The following EXOC4 variants were observed in gnomAD, a reference collection of about 807,000 sequenced individuals.
The protein encoded by EXOC4 is SEC8-like 1.
A neutral mutation model predicts 107.2 loss-of-function variants in EXOC4; 71 were observed. That is an observed-to-expected ratio of 0.66 (90% CI 0.55 to 0.81). The LOEUF is 0.81. EXOC4 is among the 30% of genes least tolerant of loss of function. The pLI, the probability that EXOC4 is intolerant of heterozygous loss-of-function variation, is 0.00. For synonymous variants in EXOC4, 456 were observed against 441.2 expected (o/e 1.03, Z -0.42); for missense variants, 1,108 against 1,189.6 (o/e 0.93, Z 1.01).
At chr7:133,944,870 G>A (rs1800512810) in intron 14 of EXOC4, among the ~76,000 whole-genome samples, 4 of 152,062 alleles carry the variant, frequency 2.6e-5, no homozygotes, top group Admixed American at 2.6e-4. Flanking sequence ...CTTAATAAAT[G>A]TATACAACCA....
At chr7:133,385,109 A>G (rs1369682892) in intron 7 of EXOC4, among the ~76,000 whole-genome samples, 2 of 152,192 alleles carry the variant, frequency 1.3e-5, no homozygotes, top group Non-Finnish European at 2.9e-5. Context: ...GACTTCATAC[A>G]TGATTGCTAG....
chr7:133,426,953 A>C (rs766232150), intron 7 of EXOC4, among the ~76,000 whole-genome samples: 1 of 152,168 alleles, frequency 6.6e-6, no homozygotes, highest in Non-Finnish European at 1.5e-5. Context: ...ATTAATGAGT[A>C]ATTGGATTCA....
intron 14 of EXOC4, among the ~76,000 whole-genome samples, chr7:133,961,280 C>CTTTG (rs1800936643): frequency 1.3e-5 from 1 of 77,012 alleles, no homozygotes; most frequent in Non-Finnish European, 2.2e-5. Flanking sequence ...TCATGTCAAA[C>CTTTG]TTTTTTTTTT....
chr7:133,735,219 C>CAAAAAAAA (rs56769096), intron 10 of EXOC4, among the ~76,000 whole-genome samples: 10 of 33,504 alleles, frequency 3.0e-4, no homozygotes, highest in Admixed American at 1.4e-3. Flanking sequence ...GACTCTGTCT[C>CAAAAAAAA]AAAAAAAAAA....
chr7:133,607,459 TA>T (rs1801975668), intron 9 of EXOC4, among the ~76,000 whole-genome samples: 1 of 152,168 alleles, frequency 6.6e-6, no homozygotes, highest in Non-Finnish European at 1.5e-5. Flanking sequence ...GTATTGGAAA[TA>T]AAAATAGATT....
intron 17 of EXOC4, among the ~76,000 whole-genome samples, chr7:134,017,705 A>G (rs1285568566): frequency 6.6e-6 from 1 of 152,170 alleles, no homozygotes; most frequent in Non-Finnish European, 1.5e-5. Context: ...TGGTCTGCAT[A>G]TCCTTCACAG....
At chr7:133,697,509 G>A (rs1794562481) in intron 10 of EXOC4, among the ~76,000 whole-genome samples, 1 of 152,132 alleles carries the variant, frequency 6.6e-6, no homozygotes, top group African/African-American at 2.4e-5. Flanking sequence ...TAACTCCAGA[G>A]CTCATATTCT....
chr7:134,093,633 C>T, the EXOC4 span, among the ~76,000 whole-genome samples: 1 of 152,136 alleles, frequency 6.6e-6, no homozygotes, highest in Non-Finnish European at 1.5e-5. Flanking sequence ...TTTTTCTCAT[C>T]TGTATATGGA....
rs547840017 is a variant in EXOC4, at chr7:133,466,024, C to T, written c.1183-9304C>T. Among the ~76,000 whole-genome samples the T allele has an allele frequency of 2.6e-5, 4 of 151,920 alleles. No individual in the cohort carries two copies. The South Asian group carries it at 8.3e-4, about 32-fold the overall frequency. ...TGGTGGTGGGCGTCTGTAATCCCAA[C>T]TACTCAGGAGGTTGAGGCAGGAGAA... On this transcript the variant is annotated intron_variant, in intron 7 of 17. Coordinates refer to ENST00000253861, the MANE Select transcript of EXOC4 (RefSeq NM_021807.4).
At chr7:134,098,364 G>C in the EXOC4 span, among the ~76,000 whole-genome samples, 1 of 152,156 alleles carries the variant, frequency 6.6e-6, no homozygotes, top group African/African-American at 2.4e-5. Flanking sequence ...TGTTTCTCCT[G>C]TTCCTTTTTG....
chr7:133,794,586 C>T (rs755738401), intron 10 of EXOC4, among the ~76,000 whole-genome samples: 87 of 152,196 alleles, frequency 5.7e-4, no homozygotes, highest in Non-Finnish European at 1.3e-4. Context: ...AGAGGCACTA[C>T]CCTCAGTTCA....
chr7:134,041,804 A>C (rs188786197), intron 17 of EXOC4, among the ~76,000 whole-genome samples: 2 of 152,300 alleles, frequency 1.3e-5, no homozygotes, highest in Admixed American at 1.3e-4. Context: ...TTTCTGAAAA[A>C]TTATTTAACT....
At chr7:133,828,612 A>T (rs1375526823) in intron 11 of EXOC4, among the ~76,000 whole-genome samples, 1 of 152,178 alleles carries the variant, frequency 6.6e-6, no homozygotes. Flanking sequence ...GCTTTTCTTC[A>T]TGCTTTTCAA....
chr7:133,258,128 T>G (rs1795059693), intron 1 of EXOC4, among the ~76,000 whole-genome samples: 1 of 152,192 alleles, frequency 6.6e-6, no homozygotes, highest in Non-Finnish European at 1.5e-5. Context: ...ACTGATGCTG[T>G]GTTGTTTGAA....
chr7:134,033,615 G>T (rs1285845076), intron 17 of EXOC4, among the ~76,000 whole-genome samples: 2 of 152,142 alleles, frequency 1.3e-5, no homozygotes, highest in Non-Finnish European at 2.9e-5. Context: ...GAAGGGGAGG[G>T]GAAATTACTG....
intron 7 of EXOC4, among the ~76,000 whole-genome samples, chr7:133,441,515 C>G (rs1047942399): frequency 6.6e-6 from 1 of 152,092 alleles, no homozygotes; most frequent in Non-Finnish European, 1.5e-5. Flanking sequence ...CTCAGCCTCC[C>G]GAGTACCTGG....
In EXOC4 at chr7:133,675,722, C is replaced by T. The variant is rs1220267853; in HGVS notation, c.1514+45581C>T. Among the ~76,000 whole-genome samples the T allele has an allele frequency of 1.2e-4, 18 of 152,236 alleles. 1 individual carries two copies. The highest frequency in any genetic ancestry group is 6.2e-4 in the South Asian group (3 of 4,818). On this transcript the variant is annotated intron_variant, in intron 10 of 17. Coordinates refer to ENST00000253861, the MANE Select transcript of EXOC4 (RefSeq NM_021807.4). The stretch of plus-strand genomic sequence containing the variant: ...AGCCCCTCACTACATCTCCAGATAA[C>T]GGCGTAGGAGTGAGGAACTGTATAC...
chr7:133,544,614 A>G (rs931407441), intron 9 of EXOC4, among the ~76,000 whole-genome samples: 7 of 152,112 alleles, frequency 4.6e-5, no homozygotes, highest in African/African-American at 9.6e-5. Context: ...TAGAACTCCA[A>G]TACTGTCATA....
intron 9 of EXOC4, among the ~76,000 whole-genome samples, chr7:133,554,943 G>A (rs1352101981): frequency 6.6e-6 from 1 of 152,150 alleles, no homozygotes; most frequent in African/African-American, 2.4e-5. Context: ...CTTAGGTATA[G>A]CAGCATGTCA....
Sources: allele counts gnomAD v4.1 joint callset (sites outside exome capture counted in the v4.1 genomes callset), GRCh38; gene constraint gnomAD v4.1.1; transcripts MANE v1.5; gene names NCBI Gene and HGNC (gene_info 2026-07-23, HGNC 2026-07-21).